ATP2B2: variants seen among roughly 807,000 people sequenced by gnomAD.
ATP2B2 encodes the protein plasma membrane calcium-transporting ATPase 2.
In ATP2B2, 15 loss-of-function variants were observed where a neutral mutation model predicts 120.0. That is an observed-to-expected ratio of 0.12 (90% CI 0.08 to 0.19). The LOEUF is 0.19. Ranked by LOEUF, ATP2B2 falls within the 10% of genes least tolerant of loss-of-function variation. The pLI, the probability that ATP2B2 is intolerant of heterozygous loss-of-function variation, is 1.00. For missense variants in ATP2B2, 1,045 were observed against 1,719.8 expected (o/e 0.61, Z 6.94); for synonymous variants, 694 against 700.3 (o/e 0.99, Z 0.14).
intron 2 of ATP2B2, among the ~76,000 whole-genome samples, chr3:10,586,618 C>A (rs1022217668): frequency 6.6e-6 from 1 of 152,126 alleles, no homozygotes; most frequent in Admixed American, 6.5e-5. Flanking sequence ...TGCTTTTACC[C>A]CTGAGGATCT....
chr3:10,404,502 T>C (rs571816073), intron 3 of ATP2B2, among the ~76,000 whole-genome samples: 112 of 152,322 alleles, frequency 7.4e-4, no homozygotes, highest in Non-Finnish European at 1.2e-3. Context: ...GTTGAGAGGA[T>C]TAAGAGAGAG....
At chr3:10,368,631 C>A (rs1302524213) in intron 12 of ATP2B2, among the ~76,000 whole-genome samples, 1 of 151,768 alleles carries the variant, frequency 6.6e-6, no homozygotes, top group Non-Finnish European at 1.5e-5. Context: ...TACCAACCAT[C>A]ACATCCACCC....
At position 10,562,621 on chromosome 3, in the gene ATP2B2, C is replaced by T. The variant is rs144019664; in HGVS notation, c.-414-28488G>A. Reference sequence around the variant, plus strand: ...ATCTCTTTTTAGGACCTCCACCCTGCCCAAACAGTCTTTTTCCTTCAGGAG... The same window carrying T: ...ATCTCTTTTTAGGACCTCCACCCTGTCCAAACAGTCTTTTTCCTTCAGGAG... On this transcript the variant is annotated intron_variant, in intron 2 of 21. Coordinates refer to the ATP2B2 transcript ENST00000646379. Among the ~76,000 whole-genome samples, 9 of 152,306 alleles carry T rather than the reference C, an allele frequency of 5.9e-5. No homozygotes were observed. The South Asian group carries it at 1.7e-3, about 28-fold the overall frequency.
At chr3:10,513,461 G>T (rs1334604107) in intron 3 of ATP2B2, among the ~76,000 whole-genome samples, 1 of 152,206 alleles carries the variant, frequency 6.6e-6, no homozygotes, top group Non-Finnish European at 1.5e-5. Context: ...TGGGAAGGGG[G>T]GCAGCTGGGA....
chr3:10,574,346 C>T (rs2068195070), intron 2 of ATP2B2, among the ~76,000 whole-genome samples: 1 of 152,196 alleles, frequency 6.6e-6, no homozygotes, highest in Non-Finnish European at 1.5e-5. Context: ...GGGAGGCCCC[C>T]ACACAGCAGT....
chr3:10,560,549 C>T (rs1174712129), intron 2 of ATP2B2, among the ~76,000 whole-genome samples: 1 of 152,200 alleles, frequency 6.6e-6, no homozygotes, highest in Admixed American at 6.5e-5. Flanking sequence ...AATATGGCCC[C>T]ACAGCTGGTC....
At chr3:10,426,452 G>A (rs537601990) in intron 2 of ATP2B2, among the ~76,000 whole-genome samples, 1 of 152,264 alleles carries the variant, frequency 6.6e-6, no homozygotes, top group South Asian at 2.1e-4. Context: ...TGGGGAGCTG[G>A]AGAGATACTC....
chr3:10,471,376 GTGTGTGTGT>G (rs763705260), intron 1 of ATP2B2, among the ~76,000 whole-genome samples: 893 of 72,044 alleles, frequency 0.012, 9 homozygotes, highest in African/African-American at 0.11. Context: ...GTGTGTGTGT[GTGTGTGTGT>G]GTGTGTGTGT....
At chr3:10,552,971 C>T (rs2067701379) in intron 2 of ATP2B2, among the ~76,000 whole-genome samples, 1 of 152,202 alleles carries the variant, frequency 6.6e-6, no homozygotes, top group African/African-American at 2.4e-5. Flanking sequence ...GGCAAGGAGG[C>T]AGAGATTGAA....
intron 1 of ATP2B2, among the ~76,000 whole-genome samples, chr3:10,472,051 C>A (rs542228344): frequency 9.6e-4 from 140 of 146,270 alleles, no homozygotes; most frequent in South Asian, 3.3e-3. Context: ...ACTGCACTCC[C>A]GCCTGGGCCA....
At chr3:10,465,138 T>C (rs546121737) in intron 1 of ATP2B2, among the ~76,000 whole-genome samples, 5 of 152,336 alleles carry the variant, frequency 3.3e-5, no homozygotes, top group Non-Finnish European at 5.9e-5. Context: ...CCCTGAGCCC[T>C]GGTGTGACTC....
At chr3:10,681,962 T>C (rs1414071924) in intron 1 of ATP2B2, among the ~76,000 whole-genome samples, 2 of 152,136 alleles carry the variant, frequency 1.3e-5, no homozygotes, top group Admixed American at 1.3e-4. Context: ...AATGGATGAT[T>C]GGCAATGTAG....
chr3:10,476,527 C>G (rs1184018460), intron 1 of ATP2B2, among the ~76,000 whole-genome samples: 2 of 152,196 alleles, frequency 1.3e-5, no homozygotes, highest in Non-Finnish European at 2.9e-5. Flanking sequence ...TGCTTGGAGA[C>G]CCCCAGTAAG....
chr3:10,352,081 C>T (rs1250095590), intron 14 of ATP2B2, among the ~76,000 whole-genome samples: 1 of 152,228 alleles, frequency 6.6e-6, no homozygotes, highest in Non-Finnish European at 1.5e-5. Flanking sequence ...CCTGGGGTCT[C>T]CTTTCTGCCT....
intron 2 of ATP2B2, among the ~76,000 whole-genome samples, chr3:10,573,325 G>A (rs190214017): frequency 3.3e-5 from 5 of 152,212 alleles, no homozygotes; most frequent in South Asian, 4.2e-4. Context: ...GCTGAATTTC[G>A]AAGAGCTGTT....
chr3:10,637,187 TG>T (rs1457448999), intron 1 of ATP2B2, among the ~76,000 whole-genome samples: 3 of 152,360 alleles, frequency 2.0e-5, no homozygotes, highest in Non-Finnish European at 2.9e-5. Flanking sequence ...ATCTTAACTA[TG>T]TCCCAGATGT....
At chr3:10,546,737 C>A (rs2125504667) in intron 2 of ATP2B2, among the ~76,000 whole-genome samples, 1 of 152,300 alleles carries the variant, frequency 6.6e-6, no homozygotes, top group Non-Finnish European at 1.5e-5. Context: ...TGAGGTACAA[C>A]CTATTGATCT....
chr3:10,573,714 C>T (rs772936920), intron 2 of ATP2B2, among the ~76,000 whole-genome samples: 11 of 152,302 alleles, frequency 7.2e-5, no homozygotes, highest in South Asian at 6.2e-4. Flanking sequence ...CTGAGAGCAA[C>T]GCCATCTTAC....
intron 1 of ATP2B2, among the ~76,000 whole-genome samples, chr3:10,634,361 G>C (rs1000478862): frequency 6.6e-6 from 1 of 152,208 alleles, no homozygotes; most frequent in Non-Finnish European, 1.5e-5. Context: ...ATCTGCCATA[G>C]CACCATATCC....
Sources: allele counts gnomAD v4.1 joint callset (sites outside exome capture counted in the v4.1 genomes callset), GRCh38; gene constraint gnomAD v4.1.1; transcripts MANE v1.5; gene names NCBI Gene and HGNC (gene_info 2026-07-23, HGNC 2026-07-21).